PBX1: variants seen among roughly 807,000 people sequenced by gnomAD.
The protein encoded by PBX1 is pre-B-cell leukemia transcription factor 1.
PBX1 carries 6 observed loss-of-function variants against 53.4 expected under a neutral mutation model. The ratio of observed to expected loss-of-function variants is 0.11; its 90% CI spans 0.06 to 0.22. The LOEUF (loss-of-function observed/expected upper bound fraction) is 0.22. PBX1 is among the 10% of genes least tolerant of loss of function. The pLI, the probability that PBX1 is intolerant of heterozygous loss-of-function variation, is 1.00. For missense variants in PBX1, 251 were observed against 551.4 expected (o/e 0.46, Z 5.46); for synonymous variants, 204 against 212.3 (o/e 0.96, Z 0.34).
intron 2 of PBX1, among the ~76,000 whole-genome samples, chr1:164,880,552 C>A (rs1329533594): frequency 3.3e-5 from 5 of 152,186 alleles, no homozygotes; most frequent in Non-Finnish European, 5.9e-5. Context: ...CCCAGCACTC[C>A]CATCCTGGGC....
In PBX1 at chr1:164,820,117, TG is replaced by T; in HGVS notation, c.1044del (p.Met348IlefsTer67). 1 of 1,613,924 alleles carries T rather than the reference TG, an allele frequency of 6.2e-7. No individual in the cohort carries two copies. Among genetic ancestry groups the T allele is most frequent in the Non-Finnish European group, 8.5e-7 (1 of 1,179,888 alleles). On this transcript the variant is annotated frameshift_variant, in exon 7 of 9. Coordinates refer to ENST00000420696, the MANE Select transcript of PBX1 (RefSeq NM_002585.4). LOFTEE classifies it high-confidence loss of function. Reference sequence around the variant, plus strand: ...ATGTCAAACTCTGGAGATTTGTTCATGAGCGTGCAGTCACTCAATGGGGATT... The same window carrying T: ...ATGTCAAACTCTGGAGATTTGTTCATAGCGTGCAGTCACTCAATGGGGATT... ...FNMSNSGDLF[M>X]SVQSLNGDSY...
At chr1:164,640,978 T>C (rs1382435423) in intron 2 of PBX1, 1 of 152,662 alleles carries the variant, frequency 6.6e-6, no homozygotes, top group Non-Finnish European at 1.5e-5. Context: ...GTCAAAGTTA[T>C]AGCTTCTCCA....
chr1:164,858,792 T>C (rs780001356), intron 2 of PBX1, among the ~76,000 whole-genome samples: 24 of 152,246 alleles, frequency 1.6e-4, no homozygotes, highest in Non-Finnish European at 3.1e-4. Flanking sequence ...AATCACAAAC[T>C]TGGTGCTTAG....
At chr1:164,744,638 T>C (rs758863004) in intron 2 of PBX1, among the ~76,000 whole-genome samples, 1 of 151,966 alleles carries the variant, frequency 6.6e-6, no homozygotes, top group Non-Finnish European at 1.5e-5. Context: ...TGGCACAGAG[T>C]CATTGCCCAG....
chr1:164,839,847 G>A (rs1671210564), intron 8 of PBX1, among the ~76,000 whole-genome samples: 1 of 152,012 alleles, frequency 6.6e-6, no homozygotes, highest in African/African-American at 2.4e-5. Flanking sequence ...AGACTAGAGA[G>A]GAGTGTGGTG....
chr1:164,738,153 T>C (rs1390601102), intron 2 of PBX1, among the ~76,000 whole-genome samples: 1 of 152,216 alleles, frequency 6.6e-6, no homozygotes, highest in African/African-American at 2.4e-5. Context: ...CGTTCATCCA[T>C]TGATGAACAT....
chr1:164,720,178 G>A (rs1309475020), intron 2 of PBX1, among the ~76,000 whole-genome samples: 1 of 152,074 alleles, frequency 6.6e-6, no homozygotes, highest in Non-Finnish European at 1.5e-5. Flanking sequence ...GTAAAGACAG[G>A]GGAAACAATG....
At chr1:164,802,628 T>A (rs1480352628) in intron 4 of PBX1, among the ~76,000 whole-genome samples, 3 of 152,136 alleles carry the variant, frequency 2.0e-5, no homozygotes, top group Admixed American at 2.0e-4. Flanking sequence ...TACACCAGGG[T>A]CTAGAGTTTT....
Position 164,689,496 on chromosome 1 carries a change from G to C in PBX1, c.266-102998G>C, listed in dbSNP as rs547039879. Among the ~76,000 whole-genome samples, 6 of 152,206 alleles carry C rather than the reference G, an allele frequency of 3.9e-5. No homozygotes were observed. In the South Asian group the frequency reaches 1.2e-3, roughly 32 times the overall value. On this transcript the variant is annotated intron_variant, in intron 2 of 8. Coordinates refer to ENST00000420696, the MANE Select transcript of PBX1 (RefSeq NM_002585.4). ...AGGAAATGAAGGGAATGGGCGAGCA[G>C]GTTTCTGTCAGATGCCAATCCAGAT...
At chr1:164,610,110 G>A (rs750450121) in intron 2 of PBX1, among the ~76,000 whole-genome samples, 1 of 152,180 alleles carries the variant, frequency 6.6e-6, no homozygotes, top group Non-Finnish European at 1.5e-5. Flanking sequence ...TTAGCATTGA[G>A]GCAATTGGTG....
At chr1:164,632,479 T>A (rs1277407619) in intron 2 of PBX1, among the ~76,000 whole-genome samples, 2 of 152,190 alleles carry the variant, frequency 1.3e-5, no homozygotes, top group African/African-American at 2.4e-5. Context: ...GCCTTTCTCC[T>A]GCTGGACACA....
At chr1:164,656,428 T>C (rs1017509360) in intron 2 of PBX1, among the ~76,000 whole-genome samples, 1 of 152,226 alleles carries the variant, frequency 6.6e-6, no homozygotes, top group African/African-American at 2.4e-5. Flanking sequence ...ATTCTTCTTA[T>C]TAATTTAATC....
chr1:164,627,539 C>T (rs1274539881), intron 2 of PBX1, among the ~76,000 whole-genome samples: 1 of 152,122 alleles, frequency 6.6e-6, no homozygotes, highest in Non-Finnish European at 1.5e-5. Flanking sequence ...GCATCGTGAA[C>T]AGGAAAGCTA....
At chr1:164,710,711 G>T (rs1282758117) in intron 2 of PBX1, among the ~76,000 whole-genome samples, 1 of 152,182 alleles carries the variant, frequency 6.6e-6, no homozygotes, top group Non-Finnish European at 1.5e-5. Context: ...ACGCCTGGCG[G>T]TGCTGGCTTT....
At chr1:164,644,793 C>A (rs544491415) in intron 2 of PBX1, among the ~76,000 whole-genome samples, 44 of 152,124 alleles carry the variant, frequency 2.9e-4, no homozygotes, top group Non-Finnish European at 2.4e-4. Context: ...AAGGCTTCAA[C>A]GTCCAGGATG....
chr1:164,637,038 T>C (rs1658826024), intron 2 of PBX1, among the ~76,000 whole-genome samples: 1 of 152,132 alleles, frequency 6.6e-6, no homozygotes, highest in Non-Finnish European at 1.5e-5. Flanking sequence ...ACAGGAGTGC[T>C]CAGTATCTTC....
At chr1:164,718,738 C>T (rs1358324763) in intron 2 of PBX1, among the ~76,000 whole-genome samples, 4 of 152,276 alleles carry the variant, frequency 2.6e-5, no homozygotes, top group African/African-American at 9.6e-5. Flanking sequence ...ATGCTTTTGA[C>T]TCTTTGACTT....
At chr1:164,748,825 G>A (rs764330754) in intron 2 of PBX1, among the ~76,000 whole-genome samples, 4 of 152,108 alleles carry the variant, frequency 2.6e-5, no homozygotes, top group South Asian at 2.1e-4. Context: ...CACCCTAACC[G>A]CATGGGACTA....
intron 2 of PBX1, among the ~76,000 whole-genome samples, chr1:164,602,980 G>T (rs1656282588): frequency 6.6e-6 from 1 of 152,152 alleles, no homozygotes; most frequent in African/African-American, 2.4e-5. Context: ...GAGTTCCTGA[G>T]TGTCGGGTTT....
Sources: gnomAD v4.1 joint callset for allele counts (sites outside exome capture counted in the v4.1 genomes callset) on GRCh38, gnomAD v4.1.1 for gene constraint, MANE v1.5 for transcripts, NCBI Gene and HGNC (gene_info 2026-07-23, HGNC 2026-07-21) for gene names.